Variants in ADGRG4 observed in about 807,000 individuals in gnomAD.
ADGRG4 encodes G protein-coupled receptor 112.
ADGRG4 carries 122 observed loss-of-function variants against 126.2 expected under a neutral mutation model. The ratio of observed to expected loss-of-function variants is 0.97; its 90% CI spans 0.83 to 1.12. The LOEUF (loss-of-function observed/expected upper bound fraction) is 1.12. ADGRG4 is among the 50% of genes most tolerant of loss of function. The pLI, the probability that ADGRG4 is intolerant of heterozygous loss-of-function variation, is 0.00. For synonymous variants in ADGRG4, 943 were observed against 838.7 expected (o/e 1.12, Z -2.15); for missense variants, 2,481 against 2,251.8 (o/e 1.10, Z -2.06).
At chrX:136,361,216 G>C (rs1204921823) in intron 11 of ADGRG4, among the ~76,000 whole-genome samples, 1 of 108,614 alleles carries the variant, frequency 9.2e-6, no homozygotes, top group Non-Finnish European at 1.9e-5. Flanking sequence ...GGTTATACTG[G>C]GTGGTTTATT....
At chrX:136,314,006 A>G (rs2074790121) in intron 4 of ADGRG4, among the ~76,000 whole-genome samples, 1 of 110,525 alleles carries the variant, frequency 9.0e-6, no homozygotes, top group South Asian at 3.8e-4. Context: ...CCTTTCTCTC[A>G]CTCTCCACAT....
chrX:136,402,014 T>C (rs1012726060), intron 21 of ADGRG4, among the ~76,000 whole-genome samples: 1 of 112,293 alleles, frequency 8.9e-6, no homozygotes, highest in Non-Finnish European at 1.9e-5. Context: ...TGTGGATACA[T>C]GCACGGTCAC....
At position 136,350,268 on chromosome X, in the gene ADGRG4, G is replaced by T; in HGVS notation, c.6562G>T (p.Val2188Phe). ...AAATATAATGACTACTACATCCACT[G>T]TTCCTGGAGCCTCATTTCCACTCAT... is the stretch of plus-strand genomic sequence containing the variant. ...LLNIMTTTST[V>F]PGASFPLIST... The change falls in exon 6 of 26, where the codon GTT becomes TTT. Residue 2188 changes from valine (V) to phenylalanine (F), a missense_variant. By Grantham distance (50) the Val-to-Phe change is conservative. Transcript: ENST00000394143. 8.3e-7 allele frequency: 1 copy of T among 1,209,966 alleles called. No homozygotes were observed. Among genetic ancestry groups the T allele is most frequent in the African/African-American group, 1.7e-5 (1 of 57,718 alleles).
chrX:136,344,316 A>C, intron 5 of ADGRG4, 76 bp from the exon 6 acceptor site: 1 of 617,481 alleles, frequency 1.6e-6, no homozygotes, highest in Non-Finnish European at 2.5e-6. Context: ...ATGAAAAGAA[A>C]TTATAGAGCT....
intron 4 of ADGRG4, among the ~76,000 whole-genome samples, chrX:136,318,588 G>T (rs1053105385): frequency 9.0e-6 from 1 of 111,466 alleles, no homozygotes; most frequent in Non-Finnish European, 1.9e-5. Context: ...GCACTCCTAG[G>T]GTAGTAACAG....
At chrX:136,344,303 A>C (rs1038158163) in intron 5 of ADGRG4, 89 bp from the exon 6 acceptor site, 65 of 584,714 alleles carry the variant, frequency 1.1e-4, no homozygotes, top group Non-Finnish European at 1.6e-4. Context: ...ACTTTCTTAC[A>C]AAATGAAAAG....
At chrX:136,409,297 CTG>C (rs1301215154) in intron 23 of ADGRG4, among the ~76,000 whole-genome samples, 1 of 111,839 alleles carries the variant, frequency 8.9e-6, no homozygotes, top group African/African-American at 3.3e-5. Context: ...TCCCTCATGC[CTG>C]TGTTTTCCTA....
At chrX:136,395,347 A>AG (rs778142114) in intron 18 of ADGRG4, 43 bp from the exon 19 acceptor site, 10 of 886,215 alleles carry the variant, frequency 1.1e-5, no homozygotes, top group Non-Finnish European at 9.8e-6. Flanking sequence ...AACATTTCTG[A>AG]GAAAAACAAA....
intron 15 of ADGRG4, among the ~76,000 whole-genome samples, chrX:136,379,870 A>G (rs975651359): frequency 9.0e-6 from 1 of 111,200 alleles, no homozygotes; most frequent in African/African-American, 3.3e-5. Context: ...GAATAATACC[A>G]TATTTGTCCT....
At chrX:136,329,671 ATTT>A (rs375937070) in intron 5 of ADGRG4, among the ~76,000 whole-genome samples, 10 of 93,747 alleles carry the variant, frequency 1.1e-4, no homozygotes, top group African/African-American at 7.8e-5. Flanking sequence ...TTTGCATTTG[ATTT>A]TTTTTTTTTT....
intron 5 of ADGRG4, among the ~76,000 whole-genome samples, chrX:136,329,385 A>T (rs35731709): frequency 0.21 from 23,639 of 111,448 alleles, 2,169 homozygotes; most frequent in Middle Eastern, 0.31. Context: ...GCTCCCAATG[A>T]TTACAATAAT....
chrX:136,385,270 C>T (rs1423305483), intron 15 of ADGRG4, among the ~76,000 whole-genome samples: 3 of 111,355 alleles, frequency 2.7e-5, no homozygotes, highest in Admixed American at 9.5e-5. Context: ...ATTTTAGCTA[C>T]TCTTGCCACA....
rs755135197 is a variant in ADGRG4 at position 136,346,963 on chromosome X, G to A, written c.3257G>A (p.Arg1086His). The part of the protein sequence containing the change: ...VIVPTHGDLI[R>H]TTSEATVISV... ...GTGCCTACCCATGGAGACTTGATTCGTACCACTTCAGAGGCCACGGTAATC... is the reference window on the plus strand; with the variant it reads ...GTGCCTACCCATGGAGACTTGATTCATACCACTTCAGAGGCCACGGTAATC... The change falls in exon 6 of 26, where the codon CGT becomes CAT. Residue 1086 changes from arginine (R) to histidine (H), a missense_variant. By Grantham distance (29) the Arg-to-His change is conservative. Transcript: ENST00000394143. 52 of 1,208,770 alleles carry A rather than the reference G, an allele frequency of 4.3e-5. No individual in the cohort carries two copies. Among genetic ancestry groups the A allele is most frequent in the East Asian group, 1.5e-4 (5 of 33,704 alleles).
intron 21 of ADGRG4, among the ~76,000 whole-genome samples, chrX:136,402,767 G>C (rs951096291): frequency 1.8e-5 from 2 of 111,587 alleles, no homozygotes; most frequent in African/African-American, 6.5e-5. Flanking sequence ...TGTCAAACTA[G>C]TAACGAGTGT....
intron 15 of ADGRG4, among the ~76,000 whole-genome samples, chrX:136,386,523 G>A (rs1437101202): frequency 8.9e-6 from 1 of 111,933 alleles, no homozygotes; most frequent in Non-Finnish European, 1.9e-5. Flanking sequence ...CTAGATAATA[G>A]CAACTTGAGA....
Position 136,403,275 on chromosome X carries a change from C to G in ADGRG4, c.8607C>G (p.Val2869=), listed in dbSNP as rs2148498618. The G allele has an allele frequency of 8.3e-7, 1 of 1,210,108 alleles. No homozygotes were observed. Among genetic ancestry groups the G allele is most frequent in the Non-Finnish European group, 1.1e-6 (1 of 894,100 alleles). Residue 2869 remains valine (V), a synonymous_variant, in exon 22 of 26, where the codon GTC becomes GTG. Coordinates refer to ENST00000394143, the MANE Select transcript of ADGRG4 (RefSeq NM_153834.4). The part of the protein sequence containing the change: ...GIPAIMVAIT[V]SVKKDLYGTL... ...CGGCTATCATGGTGGCAATCACAGTCAGTGTGAAAAAAGATCTGTATGGAA... is the reference window on the plus strand; with the variant it reads ...CGGCTATCATGGTGGCAATCACAGTGAGTGTGAAAAAAGATCTGTATGGAA...
intron 21 of ADGRG4, among the ~76,000 whole-genome samples, chrX:136,402,483 G>A (rs936592292): frequency 5.2e-4 from 58 of 111,319 alleles, no homozygotes; most frequent in African/African-American, 1.8e-3. Flanking sequence ...GGACAGTGGA[G>A]GATTTTTCAA....
At chrX:136,310,110 G>A (rs2074758503) in intron 4 of ADGRG4, among the ~76,000 whole-genome samples, 1 of 110,626 alleles carries the variant, frequency 9.0e-6, no homozygotes, top group African/African-American at 3.3e-5. Context: ...ATGGGTTTGC[G>A]AGGAATGTCA....
At chrX:136,406,984 A>G (rs1257722094) in intron 23 of ADGRG4, among the ~76,000 whole-genome samples, 2 of 110,225 alleles carry the variant, frequency 1.8e-5, no homozygotes, top group Non-Finnish European at 3.8e-5. Flanking sequence ...TCTTAACTTG[A>G]TTTTGCCTAT....
Sources: allele counts gnomAD v4.1 joint callset (sites outside exome capture counted in the v4.1 genomes callset), GRCh38; gene constraint gnomAD v4.1.1; transcripts MANE v1.5; gene names NCBI Gene and HGNC (gene_info 2026-07-23, HGNC 2026-07-21).